The following UQCC1 variants were observed in gnomAD, a reference collection of about 807,000 sequenced individuals.
UQCC1 encodes the protein bFGF-repressed Zic-binding protein.
UQCC1 carries 38 observed loss-of-function variants against 48.0 expected under a neutral mutation model. The observed-to-expected ratio is 0.79, with a 90% CI of 0.61 to 1.04. UQCC1 has a LOEUF of 1.04. Among genes scored for constraint, UQCC1 ranks in the 50% least tolerant of loss-of-function variants. UQCC1 has a pLI of 0.00. For missense variants in UQCC1, 368 were observed against 381.8 expected, an observed-to-expected ratio of 0.96 and a Z score of 0.30; for synonymous variants, 111 against 129.2, an observed-to-expected ratio of 0.86 and a Z score of 0.95.
chr20:35,341,296 T>A (rs2061376254), intron 7 of UQCC1, among the ~76,000 whole-genome samples: 1 of 151,806 alleles, frequency 6.6e-6, no homozygotes, highest in Admixed American at 6.6e-5. Flanking sequence ...CTGGGGTTTT[T>A]AAAAAATCAA....
At chr20:35,338,892 A>AAAT (rs1555805500) in intron 7 of UQCC1, among the ~76,000 whole-genome samples, 7 of 30,578 alleles carry the variant, frequency 2.3e-4, no homozygotes, top group Non-Finnish European at 3.3e-4. Flanking sequence ...AAAAAAAAAA[A>AAAT]ATATATATAT....
At chr20:35,365,361 A>G (rs978325611) in intron 6 of UQCC1, among the ~76,000 whole-genome samples, 1 of 152,214 alleles carries the variant, frequency 6.6e-6, no homozygotes, top group African/African-American at 2.4e-5. Flanking sequence ...CTGCTTAGAA[A>G]AAGATAGCAT....
chr20:35,377,557 A>G (rs2061816643), intron 4 of UQCC1, among the ~76,000 whole-genome samples: 1 of 152,242 alleles, frequency 6.6e-6, no homozygotes. Flanking sequence ...ACTGATCTGG[A>G]TGATGAGAAT....
chr20:35,309,364 T>C (rs190032229), intron 8 of UQCC1, among the ~76,000 whole-genome samples: 109 of 151,762 alleles, frequency 7.2e-4, no homozygotes, highest in African/African-American at 2.6e-3. Flanking sequence ...CCTGGGGAGG[T>C]TGAGGATACA....
intron 2 of UQCC1, chr20:35,386,308 G>C (rs1256393289): frequency 2.2e-6 from 1 of 455,810 alleles, no homozygotes. Context: ...GAGGGAGCAG[G>C]AAGAGGGCTG....
intron 1 of UQCC1, among the ~76,000 whole-genome samples, chr20:35,395,937 CA>C (rs1202759607): frequency 6.7e-6 from 1 of 148,476 alleles, no homozygotes; most frequent in Non-Finnish European, 1.5e-5. Flanking sequence ...AGACTTCTGG[CA>C]TTTTATGATT....
intron 1 of UQCC1, among the ~76,000 whole-genome samples, chr20:35,403,147 G>A (rs2062193471): frequency 6.6e-6 from 1 of 151,850 alleles, no homozygotes; most frequent in South Asian, 2.1e-4. Flanking sequence ...TCAAAAGATT[G>A]ATTACATACA....
chr20:35,331,573 G>A (rs1364932672), intron 7 of UQCC1, among the ~76,000 whole-genome samples: 4 of 152,030 alleles, frequency 2.6e-5, no homozygotes, highest in Non-Finnish European at 4.4e-5. Context: ...CACACATATC[G>A]TTTTAAATTG....
intron 5 of UQCC1, among the ~76,000 whole-genome samples, chr20:35,373,454 G>A (rs762802596): frequency 7.2e-5 from 11 of 152,204 alleles, no homozygotes; most frequent in East Asian, 1.9e-4. Context: ...CAAGGAGGGC[G>A]GATCACGTGA....
At chr20:35,337,717 G>A (rs149079345) in intron 7 of UQCC1, among the ~76,000 whole-genome samples, 3 of 152,154 alleles carry the variant, frequency 2.0e-5, no homozygotes, top group Non-Finnish European at 4.4e-5. Flanking sequence ...AGGCCTTGGA[G>A]GCTGAGTATG....
chr20:35,384,592 T>C, intron 2 of UQCC1: 1 of 439,588 alleles, frequency 2.3e-6, no homozygotes, highest in Admixed American at 2.5e-5. Flanking sequence ...CAGGGAGCTA[T>C]CATCACACCA....
At chr20:35,319,825 C>T (rs1568653819) in intron 7 of UQCC1, among the ~76,000 whole-genome samples, 1 of 152,136 alleles carries the variant, frequency 6.6e-6, no homozygotes, top group Non-Finnish European at 1.5e-5. Context: ...TCATTTGAGG[C>T]CAATTCGCTG....
intron 7 of UQCC1, among the ~76,000 whole-genome samples, chr20:35,324,843 C>G (rs1402074134): frequency 6.6e-6 from 1 of 152,100 alleles, no homozygotes; most frequent in Non-Finnish European, 1.5e-5. Flanking sequence ...AACTATATGT[C>G]CAAAAGAATT....
chr20:35,407,974 A>G (rs1029663479), intron 1 of UQCC1, among the ~76,000 whole-genome samples: 11 of 152,250 alleles, frequency 7.2e-5, no homozygotes, highest in Admixed American at 7.2e-4. Flanking sequence ...GTGAGCCGAG[A>G]TCATGCCATT....
At chr20:35,352,562 G>C (rs2061500802) in intron 6 of UQCC1, among the ~76,000 whole-genome samples, 1 of 152,178 alleles carries the variant, frequency 6.6e-6, no homozygotes, top group Non-Finnish European at 1.5e-5. Flanking sequence ...GTCAGCAAGA[G>C]ACCACACATA....
At chr20:35,362,212 C>G (rs566115278) in intron 6 of UQCC1, among the ~76,000 whole-genome samples, 1 of 152,104 alleles carries the variant, frequency 6.6e-6, no homozygotes, top group Admixed American at 6.5e-5. Flanking sequence ...GTGCAGAAGA[C>G]TTGATATTTC....
At chr20:35,399,856 C>CA (rs200580923) in intron 1 of UQCC1, among the ~76,000 whole-genome samples, 59,125 of 99,918 alleles carry the variant, frequency 0.59, 17,434 homozygotes, top group East Asian at 0.72. Context: ...AGACTCCACT[C>CA]AAAAAAAAAA....
Position 35,401,478 on chromosome 20 carries a change from T to C in UQCC1, c.25-7282A>G, listed in dbSNP as rs542846464. 1.8e-4 allele frequency among the ~76,000 whole-genome samples: 28 copies of C among 152,246 alleles called. 1 individual carries two copies. The highest frequency in any genetic ancestry group is 6.5e-4 in the African/African-American group (27 of 41,530). ...CAAGAAGGCGGAATGTTGACCCATC[T>C]CAGCCAGGAACACACACATTGGCAG... On this transcript the variant is annotated intron_variant, in intron 1 of 9. Transcript: ENST00000374385.
chr20:35,328,482 A>T (rs1216842980), intron 7 of UQCC1, among the ~76,000 whole-genome samples: 3 of 152,216 alleles, frequency 2.0e-5, no homozygotes, highest in Non-Finnish European at 4.4e-5. Context: ...TCACAATGCT[A>T]CAAGCGATGT....
Sources: allele counts gnomAD v4.1 joint callset (sites outside exome capture counted in the v4.1 genomes callset), GRCh38; gene constraint gnomAD v4.1.1; transcripts MANE v1.5; gene names NCBI Gene and HGNC (gene_info 2026-07-23, HGNC 2026-07-21).